CLDN14: variants seen among roughly 807,000 people sequenced by gnomAD.
CLDN14 encodes the protein claudin-14.
Under a neutral mutation model 2.1 loss-of-function variants are expected in CLDN14, and 2 were observed. The ratio of observed to expected loss-of-function variants is 0.96; its 90% CI spans 0.39 to 3.01. CLDN14 has a LOEUF of 3.01. Among genes scored for constraint, CLDN14 ranks in the 30% most tolerant of loss-of-function variants. The pLI, the probability that CLDN14 is intolerant of heterozygous loss-of-function variation, is 0.09. For synonymous variants in CLDN14, 136 were observed against 154.4 expected (o/e 0.88, Z 0.88); for missense variants, 298 against 328.0 (o/e 0.91, Z 0.71).
intron 2 of CLDN14, among the ~76,000 whole-genome samples, chr21:36,502,829 T>A (rs7283831): frequency 1.2e-4 from 18 of 152,202 alleles, no homozygotes; most frequent in Non-Finnish European, 1.5e-5. Context: ...AAAACATCTA[T>A]GTAATCTTGA....
chr21:36,573,156 C>T (rs963949065), intron 1 of CLDN14, among the ~76,000 whole-genome samples: 5 of 152,036 alleles, frequency 3.3e-5, no homozygotes, highest in African/African-American at 4.8e-5. Flanking sequence ...AAAAAATTAG[C>T]CAGGCGTGGT....
At chr21:36,486,778 G>A (rs2086902203) in intron 2 of CLDN14, 5 of 802,280 alleles carry the variant, frequency 6.2e-6, no homozygotes, top group South Asian at 4.4e-5. Context: ...AATGATATGC[G>A]TCTTGTGATT....
chr21:36,468,763 C>CTT (rs1435081969), intron 1 of CLDN14, among the ~76,000 whole-genome samples: 6 of 148,124 alleles, frequency 4.1e-5, no homozygotes, highest in East Asian at 1.9e-4. Context: ...TTCTTTCTTT[C>CTT]TTTCTTTTTT....
At chr21:36,542,289 A>G (rs1360520631) in intron 1 of CLDN14, among the ~76,000 whole-genome samples, 3 of 152,208 alleles carry the variant, frequency 2.0e-5, no homozygotes, top group African/African-American at 4.8e-5. Flanking sequence ...AAACATTTAA[A>G]TAAACTTCGC....
chr21:36,462,393 C>T (rs1568840325), intron 1 of CLDN14, among the ~76,000 whole-genome samples: 2 of 152,088 alleles, frequency 1.3e-5, no homozygotes. Context: ...GAGCACGGGC[C>T]AGCATCCCTC....
chr21:36,520,844 T>C (rs1263192505), intron 1 of CLDN14, among the ~76,000 whole-genome samples: 2 of 152,054 alleles, frequency 1.3e-5, no homozygotes, highest in Non-Finnish European at 1.5e-5. Context: ...AGGCCAGTCC[T>C]GCTTGACTAT....
chr21:36,542,245 G>A (rs893113765), intron 1 of CLDN14, among the ~76,000 whole-genome samples: 2 of 152,186 alleles, frequency 1.3e-5, no homozygotes, highest in African/African-American at 2.4e-5. Context: ...TTACAGGCGT[G>A]AGCCACCGCT....
At chr21:36,468,732 G>A (rs1445041897) in intron 1 of CLDN14, among the ~76,000 whole-genome samples, 1 of 151,480 alleles carries the variant, frequency 6.6e-6, no homozygotes, top group African/African-American at 2.4e-5. Flanking sequence ...ACTTCAACTA[G>A]TATTACTTTT....
chr21:36,538,890 G>T (rs1295666072), intron 1 of CLDN14, among the ~76,000 whole-genome samples: 1 of 152,154 alleles, frequency 6.6e-6, no homozygotes, highest in Non-Finnish European at 1.5e-5. Flanking sequence ...AGACCTGTAC[G>T]AGTCACCTGA....
chr21:36,475,662 C>T (rs1257908596), intron 1 of CLDN14, among the ~76,000 whole-genome samples: 8 of 152,186 alleles, frequency 5.3e-5, no homozygotes, highest in African/African-American at 1.4e-4. Flanking sequence ...GTGATCCTCC[C>T]GCCTCAGCCT....
chr21:36,476,566 C>T (rs1440747444), intron 1 of CLDN14, among the ~76,000 whole-genome samples: 1 of 152,158 alleles, frequency 6.6e-6, no homozygotes, highest in African/African-American at 2.4e-5. Context: ...GATTCTCCTG[C>T]CTCAGCCTCC....
intron 1 of CLDN14, among the ~76,000 whole-genome samples, chr21:36,516,574 A>C (rs2087230508): frequency 6.6e-6 from 1 of 152,270 alleles, no homozygotes; most frequent in African/African-American, 2.4e-5. Flanking sequence ...CTTGTGAAAT[A>C]AAATTTTACC....
rs898415360 is a variant in CLDN14, at chr21:36,548,023, G to A, written c.-220+28388C>T. ...GACCTTGGTCCCCCTCTTTCTCCTC[G>A]CGTCCTCTGCCTCTCAACTCTGGCT... is the stretch of plus-strand genomic sequence containing the variant. On this transcript the variant is annotated intron_variant, in intron 1 of 2. Coordinates refer to the CLDN14 transcript ENST00000342108. 7.2e-5 allele frequency among the ~76,000 whole-genome samples: 11 copies of A among 151,872 alleles called. No homozygotes were observed. The South Asian group carries it at 1.9e-3, about 26-fold the overall frequency.
chr21:36,475,510 C>T (rs533302268), intron 1 of CLDN14, among the ~76,000 whole-genome samples: 5 of 152,340 alleles, frequency 3.3e-5, no homozygotes, highest in Admixed American at 6.5e-5. Flanking sequence ...TCCTCTCCCC[C>T]ACCCGGTGAT....
At position 36,544,476 on chromosome 21, in the gene CLDN14, T is replaced by C. The variant is rs1370992372; in HGVS notation, c.-220+31935A>G. Among the ~76,000 whole-genome samples the C allele has an allele frequency of 6.6e-6, 1 of 152,202 alleles. No individual in the cohort carries two copies. The highest frequency in any genetic ancestry group is 2.4e-5 in the African/African-American group (1 of 41,432). The stretch of plus-strand genomic sequence containing the variant: ...GTCATCCCTGCCTGCAGCTATTGAC[T>C]GTTTGCATAGGAGGGGATGGAGTTG... On this transcript the variant is annotated intron_variant, in intron 1 of 2. Coordinates refer to the CLDN14 transcript ENST00000342108. This position sits in a 1 kb window ranked among gnomAD's most constrained non-coding sequence, Gnocchi z 4.1.
intron 1 of CLDN14, among the ~76,000 whole-genome samples, chr21:36,519,718 C>CAAT (rs1213093614): frequency 2.8e-5 from 2 of 70,370 alleles, no homozygotes; most frequent in Non-Finnish European, 1.0e-4. Context: ...TAAAAAACAA[C>CAAT]AACAACAACA....
At chr21:36,520,341 G>A (rs1337422769) in intron 1 of CLDN14, among the ~76,000 whole-genome samples, 1 of 152,184 alleles carries the variant, frequency 6.6e-6, no homozygotes, top group Non-Finnish European at 1.5e-5. Context: ...GTTTGGCTGT[G>A]TCCCCACCCA....
At chr21:36,477,254 G>A (rs76552750) in intron 1 of CLDN14, 1 of 152,276 alleles carries the variant, frequency 6.6e-6, no homozygotes, top group Non-Finnish European at 1.5e-5. Flanking sequence ...CTGGGAACTG[G>A]ACATTGGGAT....
Position 36,498,355 on chromosome 21 carries a change from G to T in CLDN14, c.-82+12008C>A, listed in dbSNP as rs2087058976. ...TGTGAGTGGAAAGAGAAGAAAAAAA[G>T]TAAAATAATAATACTAATAATGCCT... is the stretch of plus-strand genomic sequence containing the variant. On this transcript the variant is annotated intron_variant, in intron 2 of 2. Transcript: ENST00000342108. The surrounding 1 kb of genome is among the most constrained non-coding windows in gnomAD (Gnocchi z 4.9). Among the ~76,000 whole-genome samples, 1 of 152,152 alleles carries T rather than the reference G, an allele frequency of 6.6e-6. No homozygotes were observed. The highest frequency in any genetic ancestry group is 2.4e-5 in the African/African-American group (1 of 41,438).
Sources: gnomAD v4.1 joint callset for allele counts (sites outside exome capture counted in the v4.1 genomes callset) on GRCh38, gnomAD v4.1.1 for gene constraint, Gnocchi (gnomAD v3.1) non-coding constraint, MANE v1.5 for transcripts, NCBI Gene and HGNC (gene_info 2026-07-23, HGNC 2026-07-21) for gene names.